PLCXD3: variants seen among roughly 807,000 people sequenced by gnomAD.
The protein encoded by PLCXD3 is phosphatidylinositol specific phospholipase C X domain containing 3, also known as PI-PLC X domain-containing protein 3.
In PLCXD3, 19 loss-of-function variants were observed where a neutral mutation model predicts 25.5. The observed-to-expected ratio is 0.75, with a 90% CI of 0.52 to 1.09. The LOEUF is 1.09. PLCXD3 is among the 50% of genes least tolerant of loss of function. The pLI is 0.00. For synonymous variants in PLCXD3, 174 were observed against 137.6 expected (o/e 1.26, Z -1.85); for missense variants, 411 against 388.1 (o/e 1.06, Z -0.50).
At chr5:41,425,893 A>G (rs1254199855) in intron 1 of PLCXD3, among the ~76,000 whole-genome samples, 1 of 152,242 alleles carries the variant, frequency 6.6e-6, no homozygotes, top group Non-Finnish European at 1.5e-5. Context: ...TTGGACAACT[A>G]TGAATAAAGC....
At chr5:41,320,227 AGAG>A (rs1743424466) in intron 2 of PLCXD3, among the ~76,000 whole-genome samples, 2 of 152,152 alleles carry the variant, frequency 1.3e-5, no homozygotes, top group African/African-American at 4.8e-5. Context: ...TTTGAAAAAT[AGAG>A]GAGGAGGGAA....
At chr5:41,346,679 A>G (rs981574915) in intron 2 of PLCXD3, among the ~76,000 whole-genome samples, 1 of 152,220 alleles carries the variant, frequency 6.6e-6, no homozygotes, top group Non-Finnish European at 1.5e-5. Flanking sequence ...TGTATTATAC[A>G]ACCATCACCA....
At chr5:41,359,681 G>A (rs1744720125) in intron 2 of PLCXD3, among the ~76,000 whole-genome samples, 1 of 151,972 alleles carries the variant, frequency 6.6e-6, no homozygotes, top group African/African-American at 2.4e-5. Context: ...TCAGCTTTTT[G>A]TTTTATTTAT....
intron 1 of PLCXD3, among the ~76,000 whole-genome samples, chr5:41,430,344 C>A (rs958010662): frequency 6.6e-6 from 1 of 151,908 alleles, no homozygotes; most frequent in African/African-American, 2.4e-5. Context: ...TGCTTGGAAC[C>A]CTGATAGGGT....
chr5:41,433,013 A>G (rs1188140718), intron 1 of PLCXD3, among the ~76,000 whole-genome samples: 1 of 152,220 alleles, frequency 6.6e-6, no homozygotes, highest in Non-Finnish European at 1.5e-5. Flanking sequence ...GTCCTGGAAC[A>G]GCGAGCAGGT....
intron 1 of PLCXD3, among the ~76,000 whole-genome samples, chr5:41,413,504 G>A (rs903201134): frequency 5.3e-5 from 8 of 152,100 alleles, no homozygotes. Flanking sequence ...ATTTGTGAAT[G>A]TTTTCAAAAA....
chr5:41,349,151 C>T (rs1380376045), intron 2 of PLCXD3, among the ~76,000 whole-genome samples: 1 of 152,004 alleles, frequency 6.6e-6, no homozygotes, highest in African/African-American at 2.4e-5. Context: ...ATGTGAAGAC[C>T]CCTAGCTCTA....
In PLCXD3 at chr5:41,413,706, T is replaced by C. The variant is rs189044471; in HGVS notation, c.104-31172A>G. On this transcript the variant is annotated intron_variant, in intron 1 of 2. Coordinates refer to ENST00000377801, the MANE Select transcript of PLCXD3 (RefSeq NM_001005473.3). ...TTATTACTAGTTTAGGCAATGGTCA[T>C]CACACTTATGAGGTGAAAGAAGGGC... Among the ~76,000 whole-genome samples the C allele has an allele frequency of 2.8e-3, 424 of 152,270 alleles. 3 individuals are homozygous for C. Among genetic ancestry groups the C allele is most frequent in the African/African-American group, 9.1e-3 (378 of 41,556 alleles).
intron 1 of PLCXD3, among the ~76,000 whole-genome samples, chr5:41,463,639 G>T (rs146579677): frequency 7.2e-5 from 11 of 151,854 alleles, no homozygotes; most frequent in Admixed American, 5.9e-4. Context: ...ACTTCTTAGG[G>T]ATCTTCCCAG....
chr5:41,452,323 A>T (rs533072937), intron 1 of PLCXD3, among the ~76,000 whole-genome samples: 1 of 152,226 alleles, frequency 6.6e-6, no homozygotes, highest in African/African-American at 2.4e-5. Context: ...ATCTGTATAC[A>T]TAAAGGAATA....
At chr5:41,408,224 A>G (rs754286788) in intron 1 of PLCXD3, among the ~76,000 whole-genome samples, 13 of 152,206 alleles carry the variant, frequency 8.5e-5, no homozygotes, top group Non-Finnish European at 1.6e-4. Flanking sequence ...AAAGAATTAT[A>G]AGAGACCCAG....
At position 41,510,503 on chromosome 5, in the gene PLCXD3, G is replaced by T. The variant is rs1441334492; in HGVS notation, c.24C>A (p.Asn8Lys). Residue 8 changes from asparagine to lysine, a missense_variant, in exon 1 of 3, where the codon AAC (asparagine) becomes AAA (lysine). Transcript: ENST00000377801. Reference protein sequence around the residue: MASSQGKNELKLADWMAT... With the variant: MASSQGKKELKLADWMAT... ...CCATCCAGTCGGCTAATTTCAGCTC[G>T]TTTTTCCCCTGAGACGAGGCCATCG... 4 of 1,613,252 alleles carry T rather than the reference G, an allele frequency of 2.5e-6. No individual in the cohort carries two copies. In the South Asian group the frequency reaches 3.3e-5, roughly 13 times the overall value.
chr5:41,336,214 G>A (rs1177889191), intron 2 of PLCXD3, among the ~76,000 whole-genome samples: 3 of 152,214 alleles, frequency 2.0e-5, no homozygotes, highest in African/African-American at 2.4e-5. Context: ...ACAATAAAAT[G>A]AAACAATACA....
intron 1 of PLCXD3, among the ~76,000 whole-genome samples, chr5:41,455,172 C>T (rs943116204): frequency 2.0e-5 from 3 of 151,922 alleles, no homozygotes; most frequent in African/African-American, 4.8e-5. Context: ...CAAAGCCTAA[C>T]CATATCACCA....
intron 2 of PLCXD3, among the ~76,000 whole-genome samples, chr5:41,353,570 A>G (rs1262046534): frequency 6.6e-6 from 1 of 152,250 alleles, no homozygotes; most frequent in Admixed American, 6.5e-5. Flanking sequence ...AGCATCTACT[A>G]TATGCCAGGA....
intron 2 of PLCXD3, among the ~76,000 whole-genome samples, chr5:41,351,539 G>GA (rs889898817): frequency 2.0e-5 from 3 of 152,108 alleles, no homozygotes; most frequent in Admixed American, 6.6e-5. Context: ...ACACCTAGTA[G>GA]AAAAAAACCG....
intron 2 of PLCXD3, among the ~76,000 whole-genome samples, chr5:41,361,015 C>CGGTA (rs1328072244): frequency 6.6e-6 from 1 of 152,008 alleles, no homozygotes; most frequent in East Asian, 1.9e-4. Flanking sequence ...TAGAGAAAGA[C>CGGTA]TACCAAGTGG....
rs112811669 is a variant in PLCXD3, at chr5:41,480,617, T to C, written c.103+29807A>G. Among the ~76,000 whole-genome samples, 26 of 152,222 alleles carry C rather than the reference T, an allele frequency of 1.7e-4. 2 individuals are homozygous for C. The highest frequency in any genetic ancestry group is 5.5e-4 in the African/African-American group (23 of 41,556). On this transcript the variant is annotated intron_variant, in intron 1 of 2. Coordinates refer to ENST00000377801, the MANE Select transcript of PLCXD3 (RefSeq NM_001005473.3). ...GGATTTAAGACAATGTCTAGGTCCA[T>C]TGTTAAAAGTATAGCATAGTGGGCC... is the stretch of plus-strand genomic sequence containing the variant.
intron 2 of PLCXD3, among the ~76,000 whole-genome samples, chr5:41,362,950 G>A (rs888872363): frequency 6.6e-6 from 1 of 152,104 alleles, no homozygotes; most frequent in African/African-American, 2.4e-5. Context: ...TGAAACTAGT[G>A]TTTAGTATTT....
Sources: allele counts gnomAD v4.1 joint callset (sites outside exome capture counted in the v4.1 genomes callset), GRCh38; gene constraint gnomAD v4.1.1; transcripts MANE v1.5; gene names NCBI Gene and HGNC (gene_info 2026-07-23, HGNC 2026-07-21).